The following RADIL variants were observed in gnomAD, a reference collection of about 807,000 sequenced individuals.
RADIL encodes the protein Rap associating with DIL domain.
RADIL carries 99 observed loss-of-function variants against 97.6 expected under a neutral mutation model. That is an observed-to-expected ratio of 1.01 (90% CI 0.86 to 1.20). The LOEUF is 1.20. Ranked by LOEUF, RADIL falls within the 50% of genes most tolerant of loss-of-function variation. The probability of loss-of-function intolerance (pLI) is 0.00; values close to 1 mark genes in which losing one functional copy is unlikely to be tolerated. For missense variants in RADIL, 1,765 were observed against 1,498.9 expected, an observed-to-expected ratio of 1.18 and a Z score of -2.93; for synonymous variants, 803 against 691.8, an observed-to-expected ratio of 1.16 and a Z score of -2.52.
At chr7:4,805,439 A>G in intron 10 of RADIL, 127 bp downstream of exon 10, 2 of 1,203,584 alleles carry the variant, frequency 1.7e-6, no homozygotes, top group African/African-American at 1.5e-5. Context: ...AGGCTCCTCC[A>G]GGGAGGTCCC....
At chr7:4,881,530 C>G (rs1784487149) in intron 1 of RADIL, among the ~76,000 whole-genome samples, 1 of 151,446 alleles carries the variant, frequency 6.6e-6, no homozygotes, top group African/African-American at 2.4e-5. Flanking sequence ...AGTTCAAGAC[C>G]AGCCTGGCCA....
rs953968942 is a variant in RADIL at position 4,867,296 on chromosome 7, G to A, written c.535+10309C>T. ...CTGTAATCCAGCAGCTCCGTTCCTG[G>A]AAGAATGCCTCCGAGAACTCTGCAC... is the stretch of plus-strand genomic sequence containing the variant. On this transcript the variant is annotated intron_variant, in intron 2 of 14. Coordinates refer to ENST00000399583, the MANE Select transcript of RADIL (RefSeq NM_018059.5). The surrounding 1 kb of genome is among the most constrained non-coding windows in gnomAD (Gnocchi z 4.1). Among the ~76,000 whole-genome samples the A allele has an allele frequency of 6.6e-6, 1 of 152,226 alleles. No homozygotes were observed. The highest frequency in any genetic ancestry group is 1.5e-5 in the Non-Finnish European group (1 of 68,018).
chr7:4,846,590 G>T (rs1783580650), intron 2 of RADIL, among the ~76,000 whole-genome samples: 2 of 147,792 alleles, frequency 1.4e-5, no homozygotes, highest in African/African-American at 5.0e-5. Flanking sequence ...TTGTTGCCCA[G>T]GCTGGAGTGC....
intron 2 of RADIL, chr7:4,861,304 A>G: frequency 3.1e-6 from 5 of 1,614,106 alleles, no homozygotes; most frequent in Non-Finnish European, 4.2e-6. Flanking sequence ...TTGCAAATAA[A>G]ATATCAATCT....
In RADIL at chr7:4,819,524, C is replaced by T. The variant is rs1460243806; in HGVS notation, c.1616-2173G>A. ...CTCCAGGACCCCTGAGGAAGCTGGC[C>T]CTATCCCTAAAGAAGAAGGCGCTGA... is the stretch of plus-strand genomic sequence containing the variant. On this transcript the variant is annotated intron_variant, in intron 6 of 14. Coordinates refer to ENST00000399583, the MANE Select transcript of RADIL (RefSeq NM_018059.5). The surrounding 1 kb of genome is among the most constrained non-coding windows in gnomAD (Gnocchi z 5.8). Among the ~76,000 whole-genome samples the T allele has an allele frequency of 6.6e-6, 1 of 152,138 alleles. No individual in the cohort carries two copies. Among genetic ancestry groups the T allele is most frequent in the African/African-American group, 2.4e-5 (1 of 41,414 alleles).
chr7:4,835,828 G>T lies in RADIL; in HGVS notation c.783+530C>A, dbSNP rs1783283058. ...TGGCAGGGCAAGTGTCCGGCAAGGT[G>T]AGGCGAGGTGGCCCTGCGCCTGGCA... On this transcript the variant is annotated intron_variant, in intron 3 of 14. Transcript: ENST00000399583. The surrounding 1 kb of genome is among the most constrained non-coding windows in gnomAD (Gnocchi z 5.8). Among the ~76,000 whole-genome samples, 1 of 152,258 alleles carries T rather than the reference G, an allele frequency of 6.6e-6. No homozygotes were observed. Among genetic ancestry groups the T allele is most frequent in the Non-Finnish European group, 1.5e-5 (1 of 68,048 alleles).
rs1487264952 is a variant in RADIL at position 4,883,290 on chromosome 7, G to A, written c.-65+306C>T. 6.6e-6 allele frequency among the ~76,000 whole-genome samples: 1 copy of A among 151,970 alleles called. No individual in the cohort carries two copies. Among genetic ancestry groups the A allele is most frequent in the Non-Finnish European group, 1.5e-5 (1 of 67,962 alleles). ...GGAGTTGGGGGTCCGGGGCCCACGC[G>A]GACAGCCAGGCTCAGGAGCTCTCGG... On this transcript the variant is annotated intron_variant, in intron 1 of 14. Transcript: ENST00000399583. This position sits in a 1 kb window ranked among gnomAD's most constrained non-coding sequence, Gnocchi z 7.1.
At chr7:4,800,424 G>A (rs1782043648) in intron 12 of RADIL, 114 bp from the exon 13 acceptor site, 2 of 1,157,698 alleles carry the variant, frequency 1.7e-6, no homozygotes, top group African/African-American at 1.6e-5. Flanking sequence ...ATGGCCTCCT[G>A]TGGCTCCCAG....
rs866690424 is a variant in RADIL, at chr7:4,808,810, T to C, written c.2140-3094A>G. 2.4e-4 allele frequency: 225 copies of C among 924,330 alleles called. 2 individuals carry two copies. The highest frequency in any genetic ancestry group is 2.1e-3 in the South Asian group (38 of 18,348). The allele number at this position is 924,330 out of a possible 1,614,324, so 57.3% of individuals were successfully genotyped here. ...CCATTCCAACACCACTGCCCCTCCGTGTCTCCTTCCGACGCCACTGCCCCT... is the reference window on the plus strand; with the variant it reads ...CCATTCCAACACCACTGCCCCTCCGCGTCTCCTTCCGACGCCACTGCCCCT... On this transcript the variant is annotated intron_variant, in intron 9 of 14. Coordinates refer to ENST00000399583, the MANE Select transcript of RADIL (RefSeq NM_018059.5).
Position 4,817,361 on chromosome 7 carries a change from G to C in RADIL, c.1616-10C>G. On this transcript the variant is annotated splice_polypyrimidine_tract_variant and intron_variant, in intron 6 of 14. Transcript: ENST00000399583. This position sits in a 1 kb window ranked among gnomAD's most constrained non-coding sequence, Gnocchi z 8.3. ...AGCGATTCCTTCGAGCCTGCCGGGA[G>C]ACAGCCACGCCAATGGTCACAACGG... 1 of 1,608,772 alleles carries C rather than the reference G, an allele frequency of 6.2e-7. No individual in the cohort carries two copies. Among genetic ancestry groups the C allele is most frequent in the Non-Finnish European group, 8.5e-7 (1 of 1,178,028 alleles).
chr7:4,881,137 T>C (rs961153898), intron 1 of RADIL, among the ~76,000 whole-genome samples: 6 of 130,268 alleles, frequency 4.6e-5, no homozygotes, highest in Admixed American at 8.3e-5. Flanking sequence ...AAAAGATGGC[T>C]GGGCACGGTG....
At position 4,800,260 on chromosome 7, in the gene RADIL, T is replaced by C; in HGVS notation, c.2893A>G (p.Ser965Gly). 2 of 1,555,396 alleles carry C rather than the reference T, an allele frequency of 1.3e-6. No individual in the cohort carries two copies. The highest frequency in any genetic ancestry group is 8.7e-7 in the Non-Finnish European group (1 of 1,153,646). Reference protein sequence around the residue: ...EESPPAPSSRSSSTEDFCYVF... With the variant: ...EESPPAPSSRGSSTEDFCYVF... ...TAGCAGAAGTCCTCGGTGCTGGAGCTGCGGCTGGACGGGGCTGGAGGGGAC... is the reference window on the plus strand; with the variant it reads ...TAGCAGAAGTCCTCGGTGCTGGAGCCGCGGCTGGACGGGGCTGGAGGGGAC... The change falls in exon 13 of 15, where the codon AGC becomes GGC. Residue 965 changes from serine (S) to glycine (G), a missense_variant. Transcript: ENST00000399583.
chr7:4,860,120 G>A (rs947412817), intron 2 of RADIL: 2 of 1,613,878 alleles, frequency 1.2e-6, no homozygotes, highest in African/African-American at 1.3e-5. Context: ...CACAGATGCT[G>A]TCATTACAGC....
intron 2 of RADIL, among the ~76,000 whole-genome samples, chr7:4,876,717 A>T (rs1784385275): frequency 6.6e-6 from 1 of 152,196 alleles, no homozygotes; most frequent in Non-Finnish European, 1.5e-5. Context: ...TGCGGCAGGC[A>T]CTCAACGCCA....
At chr7:4,830,023 C>T (rs898923007) in intron 5 of RADIL, among the ~76,000 whole-genome samples, 4 of 152,192 alleles carry the variant, frequency 2.6e-5, no homozygotes, top group Non-Finnish European at 5.9e-5. Context: ...CCCAGACACA[C>T]CCCCTCCCTC....
Position 4,801,687 on chromosome 7 carries a change from G to C in RADIL, c.2808C>G (p.Asn936Lys), listed in dbSNP as rs6945581. ...CTGCACCCCGGAGGCCGCTGAGTCC[G>C]TTCCTCTGCCTCTCTGGGAGCGCTT... ...CGKALPERQR[N>K]GLSGLRGAAP... Residue 936 changes from asparagine (N) to lysine (K), a missense_variant, in exon 12 of 15, where the codon AAC (asparagine) becomes AAG (lysine). Physicochemically the swap from Asn to Lys is moderately conservative, Grantham distance 94. Coordinates refer to ENST00000399583, the MANE Select transcript of RADIL (RefSeq NM_018059.5). 8 of 1,606,978 alleles carry C rather than the reference G, an allele frequency of 5.0e-6. No homozygotes were observed. In the African/African-American group the frequency reaches 9.4e-5, roughly 19 times the overall value.
intron 2 of RADIL, chr7:4,861,834 G>GCACGTCCCCGACCACCGCGACCTT: frequency 7.9e-7 from 1 of 1,268,420 alleles, no homozygotes; most frequent in Non-Finnish European, 1.0e-6. Flanking sequence ...CCCCGCCAGG[G>GCACGTCCCCGACCACCGCGACCTT]CACGTCCCCC....
At position 4,873,651 on chromosome 7, in the gene RADIL, G is replaced by GC. The variant is rs1344371144; in HGVS notation, c.535+3953dup. Among the ~76,000 whole-genome samples the GC allele has an allele frequency of 1.6e-4, 24 of 152,280 alleles. No individual in the cohort carries two copies. Among genetic ancestry groups the GC allele is most frequent in the East Asian group, 5.8e-4 (3 of 5,190 alleles). On this transcript the variant is annotated intron_variant, in intron 2 of 14. Coordinates refer to ENST00000399583, the MANE Select transcript of RADIL (RefSeq NM_018059.5). The surrounding 1 kb of genome is among the most constrained non-coding windows in gnomAD (Gnocchi z 4.3). Reference sequence around the variant, plus strand: ...CTTCAGTAGGATTTGTTTCACTGCAGCCCCCCACCTTCCCCCAAAGCGACA... The same window carrying GC: ...CTTCAGTAGGATTTGTTTCACTGCAGCCCCCCCACCTTCCCCCAAAGCGACA...
At chr7:4,838,290 C>T (rs915619567) in intron 2 of RADIL, among the ~76,000 whole-genome samples, 5 of 152,256 alleles carry the variant, frequency 3.3e-5, no homozygotes, top group African/African-American at 4.8e-5. Flanking sequence ...GGGCCAGATC[C>T]GAAAGAAGAA....
Sources: gnomAD v4.1 joint callset for allele counts (sites outside exome capture counted in the v4.1 genomes callset) on GRCh38, gnomAD v4.1.1 for gene constraint, Gnocchi (gnomAD v3.1) non-coding constraint, MANE v1.5 for transcripts, NCBI Gene and HGNC (gene_info 2026-07-23, HGNC 2026-07-21) for gene names.